TLE4: variants seen among roughly 807,000 people sequenced by gnomAD.
TLE4 encodes the protein TLE family member 4, transcriptional corepressor.
Under a neutral mutation model 92.8 loss-of-function variants are expected in TLE4, and 8 were observed. The ratio of observed to expected loss-of-function variants is 0.09; its 90% confidence interval spans 0.05 to 0.16. The LOEUF is 0.16. Among genes scored for constraint, TLE4 ranks in the 10% least tolerant of loss-of-function variants. The pLI, the probability that TLE4 is intolerant of heterozygous loss-of-function variation, is 1.00. For missense variants in TLE4, 675 were observed against 997.6 expected (o/e 0.68, Z 4.36); for synonymous variants, 371 against 374.1 (o/e 0.99, Z 0.10).
At position 79,720,189 on chromosome 9, in the gene TLE4, C is replaced by G; in HGVS notation, c.1734C>G (p.Pro578=). 6.2e-7 allele frequency: 1 copy of G among 1,614,218 alleles called. No individual in the cohort carries two copies. Among genetic ancestry groups the G allele is most frequent in the Non-Finnish European group, 8.5e-7 (1 of 1,180,048 alleles). The change falls in exon 16 of 20, where the codon CCC becomes CCG. Residue 578 remains proline, a synonymous_variant. Transcript: ENST00000376552. ...RIKAELTSSA[P]ACYALAISPD... is the part of the protein sequence containing the mutation. ...AGGCAGAGCTGACATCCTCGGCCCC[C>G]GCCTGCTATGCCCTGGCCATCAGCC...
chr9:79,723,065 T>C (rs374500298), intron 19 of TLE4, 30 bp downstream of exon 19: 61 of 1,594,572 alleles, frequency 3.8e-5, no homozygotes, highest in East Asian at 4.5e-5. Flanking sequence ...CTACCACTTA[T>C]GTTTGTTTAA....
intron 15 of TLE4, among the ~76,000 whole-genome samples, 190 bp downstream of exon 15, chr9:79,719,161 A>G (rs1041852006): frequency 4.6e-5 from 7 of 151,966 alleles, no homozygotes; most frequent in Non-Finnish European, 5.9e-5. Context: ...CTAGTTCTTC[A>G]TGTGTGGCAT....
Position 79,722,531 on chromosome 9 carries a change from C to T in TLE4, c.2067C>T (p.Val689=). 1.2e-6 allele frequency: 2 copies of T among 1,614,224 alleles called. No homozygotes were observed. Among genetic ancestry groups the T allele is most frequent in the South Asian group, 1.1e-5 (1 of 91,088 alleles). The change falls in exon 18 of 20, where the codon GTC becomes GTT. Residue 689 remains valine (V), a synonymous_variant. Transcript: ENST00000376552. ...ACAGCAATGTGGAAGTTTTGCATGT[C>T]ACCAAGCCAGACAAATACCAACTAC... ...MENSNVEVLH[V]TKPDKYQLHL...
intron 16 of TLE4, 128 bp downstream of exon 16, chr9:79,720,421 TGTGTAAA>T: frequency 3.0e-6 from 3 of 1,007,252 alleles, no homozygotes; most frequent in Non-Finnish European, 2.6e-6. Flanking sequence ...TGTGTGTGTG[TGTGTAAA>T]GTGATATAAT....
intron 4 of TLE4, among the ~76,000 whole-genome samples, chr9:79,590,177 T>C (rs545429229): frequency 1.3e-5 from 2 of 152,318 alleles, no homozygotes; most frequent in East Asian, 1.9e-4. Context: ...CCCCAAAATA[T>C]AGTCAACCTA....
chr9:79,679,009 T>C (rs555518211), intron 8 of TLE4, among the ~76,000 whole-genome samples: 70 of 152,228 alleles, frequency 4.6e-4, no homozygotes, highest in African/African-American at 1.6e-3. Flanking sequence ...ATTTTCTTAA[T>C]CCAGTCTATC....
At chr9:79,654,878 T>A (rs2059550814) in intron 8 of TLE4, among the ~76,000 whole-genome samples, 1 of 152,214 alleles carries the variant, frequency 6.6e-6, no homozygotes, top group African/African-American at 2.4e-5. Context: ...GCTTGGTGGT[T>A]CATGCCTGTA....
intron 8 of TLE4, among the ~76,000 whole-genome samples, chr9:79,701,044 A>G (rs1407458034): frequency 6.6e-6 from 1 of 152,254 alleles, no homozygotes; most frequent in African/African-American, 2.4e-5. Context: ...CTTTTCTAGT[A>G]AAAGCATGAC....
At chr9:79,573,619 G>A in intron 1 of TLE4, 70 bp from the exon 2 acceptor site, 4 of 1,315,216 alleles carry the variant, frequency 3.0e-6, no homozygotes, top group South Asian at 1.4e-5. Flanking sequence ...ACGCCGCATA[G>A]TAGGTTTTCT....
chr9:79,666,668 G>A (rs549689408), intron 8 of TLE4, among the ~76,000 whole-genome samples: 133 of 152,280 alleles, frequency 8.7e-4, no homozygotes, highest in African/African-American at 2.9e-3. Context: ...AGCAGTAATA[G>A]AAATAAAATC....
At position 79,657,983 on chromosome 9, in the gene TLE4, T is replaced by C. The variant is rs535106171; in HGVS notation, c.609+3908T>C. On this transcript the variant is annotated intron_variant, in intron 8 of 19. Transcript: ENST00000376552. ...AGTCACATCTATGAGGGATTTGCCT[T>C]TTTTATCTGTAAAATATAGCACGAG... is the stretch of plus-strand genomic sequence containing the variant. Among the ~76,000 whole-genome samples the C allele has an allele frequency of 1.8e-4, 28 of 152,340 alleles. No individual in the cohort carries two copies. The East Asian group carries it at 5.4e-3, about 29-fold the overall frequency.
chr9:79,670,678 A>G (rs932689601), intron 8 of TLE4, among the ~76,000 whole-genome samples: 21 of 152,156 alleles, frequency 1.4e-4, no homozygotes, highest in African/African-American at 4.6e-4. Context: ...GTGGCATGCT[A>G]TGAACTCTAG....
intron 4 of TLE4, among the ~76,000 whole-genome samples, chr9:79,612,028 C>G (rs960677728): frequency 6.0e-5 from 9 of 150,180 alleles, no homozygotes; most frequent in African/African-American, 2.2e-4. Flanking sequence ...TTTAGCATAT[C>G]TCAACCTCTG....
intron 4 of TLE4, among the ~76,000 whole-genome samples, chr9:79,604,657 C>T (rs186042239): frequency 2.1e-4 from 32 of 152,208 alleles, no homozygotes; most frequent in African/African-American, 6.7e-4. Context: ...GCTTTAGCCT[C>T]GCCTGAGAGG....
At position 79,718,713 on chromosome 9, in the gene TLE4, T is replaced by C. The variant is rs1179978714; in HGVS notation, c.1341-9T>C. On this transcript the variant is annotated splice_polypyrimidine_tract_variant and intron_variant, in intron 14 of 19. Coordinates refer to ENST00000376552, the MANE Select transcript of TLE4 (RefSeq NM_007005.6). ...TCCCCTCTTTCTTTTTTCCTCTCCA[T>C]TGCCTTAGAGCATACTCCTTCCATG... The C allele has an allele frequency of 6.2e-7, 1 of 1,601,452 alleles. No individual in the cohort carries two copies.
At chr9:79,713,595 C>G (rs2073855958) in intron 14 of TLE4, among the ~76,000 whole-genome samples, 1 of 152,178 alleles carries the variant, frequency 6.6e-6, no homozygotes, top group African/African-American at 2.4e-5. Context: ...ACTTGCACCA[C>G]AAATTCATTA....
intron 4 of TLE4, among the ~76,000 whole-genome samples, chr9:79,585,367 C>T (rs896267869): frequency 1.3e-5 from 2 of 152,144 alleles, no homozygotes; most frequent in Non-Finnish European, 2.9e-5. Context: ...AAGGTCAGAA[C>T]GCTGGTATGA....
intron 16 of TLE4, 82 bp downstream of exon 16, chr9:79,720,375 TG>T: frequency 3.1e-6 from 2 of 653,176 alleles, no homozygotes; most frequent in Non-Finnish European, 4.4e-6. Context: ...TATATAGGTA[TG>T]GGTGTGTGTG....
chr9:79,716,336 G>GC (rs1482526848), intron 14 of TLE4, among the ~76,000 whole-genome samples: 8 of 152,124 alleles, frequency 5.3e-5, no homozygotes, highest in African/African-American at 1.9e-4. Flanking sequence ...AGCTCTCCGC[G>GC]CATATGCTGC....
Sources: allele counts gnomAD v4.1 joint callset (sites outside exome capture counted in the v4.1 genomes callset), GRCh38; gene constraint gnomAD v4.1.1; transcripts MANE v1.5; gene names NCBI Gene and HGNC (gene_info 2026-07-23, HGNC 2026-07-21).